The following SOAT1 variants were observed in gnomAD, a reference collection of about 807,000 sequenced individuals.
The protein encoded by SOAT1 is sterol O-acyltransferase 1.
In SOAT1, 55 loss-of-function variants were observed where a neutral mutation model predicts 69.5. That is an observed-to-expected ratio of 0.79 (90% CI 0.64 to 0.99). The LOEUF (loss-of-function observed/expected upper bound fraction) is 0.99. SOAT1 is among the 50% of genes least tolerant of loss of function. SOAT1 has a pLI of 0.00. For synonymous variants in SOAT1, 231 were observed against 224.7 expected, an observed-to-expected ratio of 1.03 and a Z score of -0.25; for missense variants, 580 against 669.3, an observed-to-expected ratio of 0.87 and a Z score of 1.47.
At chr1:179,350,235 A>G (rs971552456) in intron 13 of SOAT1, 61 bp from the exon 14 acceptor site, 22 of 1,430,646 alleles carry the variant, frequency 1.5e-5, no homozygotes, top group Non-Finnish European at 2.0e-5. Flanking sequence ...TACATCCTAT[A>G]TAATCCATGC....
chr1:179,340,932 G>T (rs2124990644), intron 6 of SOAT1, 96 bp from the exon 7 acceptor site: 2 of 1,114,044 alleles, frequency 1.8e-6, no homozygotes, highest in East Asian at 2.4e-5. Context: ...GTTTCCTAAG[G>T]TTGAAAGTTT....
chr1:179,301,190 C>T (rs1410707674), intron 1 of SOAT1, among the ~76,000 whole-genome samples: 1 of 152,176 alleles, frequency 6.6e-6, no homozygotes, highest in Non-Finnish European at 1.5e-5. Context: ...GCCTGAGCCT[C>T]CCAAGTAGCT....
chr1:179,344,595 G>A (rs759727222), intron 10 of SOAT1, among the ~76,000 whole-genome samples: 1 of 151,888 alleles, frequency 6.6e-6, no homozygotes, highest in South Asian at 2.1e-4. Context: ...GGCTGGTCTC[G>A]AACTCTGACC....
At chr1:179,349,573 C>T (rs1332927173) in intron 13 of SOAT1, among the ~76,000 whole-genome samples, 5 of 152,028 alleles carry the variant, frequency 3.3e-5, no homozygotes, top group Admixed American at 6.6e-5. Context: ...GTGATCCGCC[C>T]GCCTCAGCCT....
At chr1:179,302,138 T>C (rs1324063896) in intron 1 of SOAT1, among the ~76,000 whole-genome samples, 1 of 152,162 alleles carries the variant, frequency 6.6e-6, no homozygotes, top group Non-Finnish European at 1.5e-5. Context: ...TTATAGGACC[T>C]GATTTCTTCA....
At chr1:179,315,626 A>G (rs1417396984) in intron 2 of SOAT1, among the ~76,000 whole-genome samples, 1 of 152,210 alleles carries the variant, frequency 6.6e-6, no homozygotes, top group East Asian at 1.9e-4. Flanking sequence ...ATTTTAAAAT[A>G]TATTTTTCTT....
chr1:179,348,728 TG>T (rs1361246612), intron 12 of SOAT1, 115 bp from the exon 13 acceptor site: 2 of 668,520 alleles, frequency 3.0e-6, no homozygotes, highest in African/African-American at 3.6e-5. Context: ...ATATGTTCTT[TG>T]GGAAGTCAGG....
chr1:179,336,152 C>CAA (rs35876000), intron 4 of SOAT1, among the ~76,000 whole-genome samples: 2 of 110,424 alleles, frequency 1.8e-5, no homozygotes, highest in Non-Finnish European at 1.9e-5. Flanking sequence ...ACTCTGTCTC[C>CAA]AAAAAAAAAA....
chr1:179,350,560 A>G, intron 14 of SOAT1, 129 bp downstream of exon 14: 1 of 794,122 alleles, frequency 1.3e-6, no homozygotes, highest in Non-Finnish European at 2.0e-6. Flanking sequence ...GTACTTCTTT[A>G]TCAGATGGTC....
At chr1:179,307,210 A>G (rs939494956) in intron 2 of SOAT1, among the ~76,000 whole-genome samples, 2 of 152,168 alleles carry the variant, frequency 1.3e-5, no homozygotes, top group Admixed American at 6.6e-5. Context: ...CATCATGACA[A>G]TGTTGGGTAA....
At chr1:179,324,612 G>A (rs1038641835) in intron 3 of SOAT1, among the ~76,000 whole-genome samples, 4 of 152,094 alleles carry the variant, frequency 2.6e-5, no homozygotes, top group Admixed American at 2.6e-4. Context: ...ATTCCATTAA[G>A]TTACCTTTGT....
chr1:179,336,234 G>A (rs1666148609), intron 4 of SOAT1, among the ~76,000 whole-genome samples: 2 of 151,252 alleles, frequency 1.3e-5, no homozygotes, highest in South Asian at 4.2e-4. Flanking sequence ...AGGGCGAGGC[G>A]GGTGGATCAC....
In SOAT1 at chr1:179,323,490, G is replaced by A; in HGVS notation, c.172G>A (p.Ala58Thr). 2 of 1,613,434 alleles carry A rather than the reference G, an allele frequency of 1.2e-6. No homozygotes were observed. Among genetic ancestry groups the A allele is most frequent in the Non-Finnish European group, 1.7e-6 (2 of 1,179,644 alleles). Residue 58 changes from alanine (A) to threonine (T), a missense_variant, in exon 3 of 16, where the codon GCA becomes ACA. By Grantham distance (58) the Ala-to-Thr change is moderately conservative. Coordinates refer to ENST00000367619, the MANE Select transcript of SOAT1 (RefSeq NM_003101.6). ...AAAGAAGATAAAGTTGACAGCAGAG[G>A]CAGAGGCAAGTAACTCCCTCTTCTA... ...IAKKIKLTAE[A>T]EELKPFFMKE... is the part of the protein sequence containing the mutation.
rs540326940 is a variant in SOAT1 at position 179,307,251 on chromosome 1, G to T, written c.118+4449G>T. On this transcript the variant is annotated intron_variant, in intron 2 of 15. Coordinates refer to ENST00000367619, the MANE Select transcript of SOAT1 (RefSeq NM_003101.6). ...TTCAAACATAGATACAGTTACAGTA[G>T]TTGAAGGAATGTCAGATGACATGAC... 2.6e-5 allele frequency among the ~76,000 whole-genome samples: 4 copies of T among 152,320 alleles called. No homozygotes were observed. The East Asian group carries it at 7.7e-4, about 29-fold the overall frequency.
intron 15 of SOAT1, 88 bp downstream of exon 15, chr1:179,351,550 T>A: frequency 8.2e-7 from 1 of 1,214,624 alleles, no homozygotes; most frequent in Non-Finnish European, 1.2e-6. Flanking sequence ...AGCACAGTAG[T>A]GGAGATTATG....
intron 1 of SOAT1, among the ~76,000 whole-genome samples, chr1:179,297,874 G>A (rs1037352526): frequency 7.3e-5 from 11 of 151,532 alleles, no homozygotes; most frequent in African/African-American, 2.7e-4. Flanking sequence ...TGGGTGTGGT[G>A]GCCTGTAACC....
intron 3 of SOAT1, among the ~76,000 whole-genome samples, chr1:179,334,566 G>T (rs940733684): frequency 6.6e-6 from 1 of 151,948 alleles, no homozygotes; most frequent in Non-Finnish European, 1.5e-5. Context: ...ATTTTGTCTC[G>T]CATATGGATA....
At chr1:179,336,466 T>A in intron 4 of SOAT1, among the ~76,000 whole-genome samples, 1 of 87,856 alleles carries the variant, frequency 1.1e-5, no homozygotes. Flanking sequence ...AGAGACCCTG[T>A]CTCCAAAAAA....
chr1:179,349,094 C>A, intron 13 of SOAT1, 152 bp downstream of exon 13: 1 of 603,368 alleles, frequency 1.7e-6, no homozygotes. Context: ...AAATTTACAT[C>A]TAGAAACCTG....
Sources: allele counts gnomAD v4.1 joint callset (sites outside exome capture counted in the v4.1 genomes callset), GRCh38; gene constraint gnomAD v4.1.1; transcripts MANE v1.5; gene names NCBI Gene and HGNC (gene_info 2026-07-23, HGNC 2026-07-21).